The following TTC6 variants were observed in gnomAD, a reference collection of about 807,000 sequenced individuals.
TTC6 encodes tetratricopeptide repeat domain 6, also known as tetratricopeptide repeat protein 6.
A neutral mutation model predicts 210.4 loss-of-function variants in TTC6; 172 were observed. The observed-to-expected ratio is 0.82, with a 90% CI of 0.72 to 0.93. The LOEUF (loss-of-function observed/expected upper bound fraction) is 0.93. Among genes scored for constraint, TTC6 ranks in the 40% least tolerant of loss-of-function variants. The pLI, the probability that TTC6 is intolerant of heterozygous loss-of-function variation, is 0.00. For missense variants in TTC6, 2,414 were observed against 2,318.1 expected (o/e 1.04, Z -0.85); for synonymous variants, 804 against 819.6 (o/e 0.98, Z 0.32).
chr14:37,631,751 A>G (rs768778602), intron 1 of TTC6, among the ~76,000 whole-genome samples: 8 of 152,194 alleles, frequency 5.3e-5, no homozygotes, highest in African/African-American at 9.6e-5. Context: ...AGGTACACCA[A>G]TCAAACATAG....
At chr14:37,654,497 C>G (rs935304155) in intron 1 of TTC6, among the ~76,000 whole-genome samples, 3 of 152,082 alleles carry the variant, frequency 2.0e-5, no homozygotes, top group Non-Finnish European at 4.4e-5. Flanking sequence ...TGGAAGCTTC[C>G]TGAAGCCTCC....
At position 37,841,263 on chromosome 14, in the gene TTC6, T is replaced by G. The variant is rs114933035; in HGVS notation, c.5299-182T>G. 5.2e-3 allele frequency among the ~76,000 whole-genome samples: 796 copies of G among 152,262 alleles called. 13 individuals are homozygous for G. The highest frequency in any genetic ancestry group is 0.018 in the African/African-American group (738 of 41,558). ...GGTAATAACAAAAAGCAGGTCAACT[T>G]TTGGTTGGGTTTAGCTTTTTACATT... On this transcript the variant is annotated intron_variant, in intron 29 of 30. Coordinates refer to ENST00000553443, the Ensembl canonical transcript of TTC6.
chr14:37,664,257 A>G lies in TTC6; in HGVS notation c.940-15894A>G, dbSNP rs150871056. Among the ~76,000 whole-genome samples the G allele has an allele frequency of 1.6e-4, 24 of 150,622 alleles. No individual in the cohort carries two copies. In the East Asian group the frequency reaches 4.4e-3, roughly 28 times the overall value. On this transcript the variant is annotated intron_variant, in intron 1 of 30. Transcript: ENST00000553443. Reference sequence around the variant, plus strand: ...ACACTGCCCAATTTCAAACTATACTAAAGGCTACAGTAACCACAACAGCAT... The same window carrying G: ...ACACTGCCCAATTTCAAACTATACTGAAGGCTACAGTAACCACAACAGCAT...
intron 1 of TTC6, among the ~76,000 whole-genome samples, chr14:37,677,587 A>G (rs2095772977): frequency 6.6e-6 from 1 of 152,062 alleles, no homozygotes. Flanking sequence ...CATTGAACTT[A>G]GGGGGTTTGT....
At chr14:37,693,285 A>G (rs2095807840) in intron 3 of TTC6, among the ~76,000 whole-genome samples, 2 of 152,050 alleles carry the variant, frequency 1.3e-5, no homozygotes, top group South Asian at 2.1e-4. Flanking sequence ...AAGTAGTCCC[A>G]TTTACAAAAT....
intron 1 of TTC6, among the ~76,000 whole-genome samples, chr14:37,676,425 T>A (rs1395711372): frequency 1.3e-5 from 2 of 152,130 alleles, no homozygotes; most frequent in African/African-American, 4.8e-5. Context: ...TTGGTCTTTT[T>A]GTTAACTTCT....
At chr14:37,636,693 C>T (rs987405415) in intron 1 of TTC6, among the ~76,000 whole-genome samples, 3 of 152,066 alleles carry the variant, frequency 2.0e-5, no homozygotes, top group African/African-American at 4.8e-5. Flanking sequence ...AACTTTCCAC[C>T]TAATGTTATA....
At chr14:37,788,263 A>T (rs534234260) in intron 15 of TTC6, among the ~76,000 whole-genome samples, 1 of 152,260 alleles carries the variant, frequency 6.6e-6, no homozygotes, top group South Asian at 2.1e-4. Context: ...GTGCTCAGTA[A>T]ACAGCCTCCA....
At chr14:37,771,426 C>T (rs2096018303) in intron 14 of TTC6, among the ~76,000 whole-genome samples, 1 of 152,186 alleles carries the variant, frequency 6.6e-6, no homozygotes, top group South Asian at 2.1e-4. Context: ...TTCTCCCTGT[C>T]ACTTTCAGGT....
intron 30 of TTC6, 170 bp downstream of exon 32, chr14:37,841,840 G>A: frequency 1.5e-6 from 1 of 656,738 alleles, no homozygotes; most frequent in South Asian, 2.1e-5. Flanking sequence ...TTTATGTAAT[G>A]TCTTAACTTA....
intron 23 of TTC6, 120 bp from the exon 26 acceptor site, chr14:37,808,613 A>G (rs1361094185): frequency 5.8e-6 from 3 of 520,624 alleles, no homozygotes; most frequent in Non-Finnish European, 1.0e-5. Context: ...TTCACAGATG[A>G]TACAAAGAAT....
chr14:37,817,727 G>A, intron 26 of TTC6, 76 bp downstream of exon 28: 1 of 1,400,972 alleles, frequency 7.1e-7, no homozygotes, highest in East Asian at 2.3e-5. Flanking sequence ...CCATAAACAA[G>A]CCAGGAGAGA....
chr14:37,640,546 G>T (rs1473411287), intron 1 of TTC6, among the ~76,000 whole-genome samples: 5 of 151,560 alleles, frequency 3.3e-5, no homozygotes, highest in African/African-American at 9.7e-5. Context: ...GGTTTTTTTT[G>T]TTTGTTTTGT....
intron 14 of TTC6, chr14:37,772,526 G>A (rs149101856): frequency 0.016 from 2,391 of 152,724 alleles, 68 homozygotes; most frequent in African/African-American, 0.054. Context: ...TTTTAAGCCC[G>A]TCGGAAAAGT....
At chr14:37,823,695 A>G (rs1384677956) in intron 26 of TTC6, 52 bp from the exon 29 acceptor site, 1 of 1,488,906 alleles carries the variant, frequency 6.7e-7, no homozygotes, top group South Asian at 1.1e-5. Context: ...TGTATATGTC[A>G]CCAGAATGCA....
intron 1 of TTC6, among the ~76,000 whole-genome samples, chr14:37,599,422 T>C (rs2095610954): frequency 6.6e-6 from 1 of 152,226 alleles, no homozygotes; most frequent in Non-Finnish European, 1.5e-5. Flanking sequence ...GTGCGTGTGC[T>C]TGTGTCTGTG....
At chr14:37,697,231 A>G (rs2095816573) in intron 4 of TTC6, among the ~76,000 whole-genome samples, 1 of 152,152 alleles carries the variant, frequency 6.6e-6, no homozygotes, top group Non-Finnish European at 1.5e-5. Context: ...CAAAATGTGC[A>G]TAAGCCATCT....
chr14:37,640,542 T>C (rs1271106230), intron 1 of TTC6, among the ~76,000 whole-genome samples: 1 of 152,154 alleles, frequency 6.6e-6, no homozygotes, highest in Non-Finnish European at 1.5e-5. Flanking sequence ...TAGAGGTTTT[T>C]TTTGTTTGTT....
chr14:37,772,586 C>T (rs1376679715), intron 14 of TTC6: 1 of 153,070 alleles, frequency 6.5e-6, no homozygotes, highest in Admixed American at 6.5e-5. Context: ...GTCCGTCACC[C>T]CTTTCTTTGA....
Sources: gnomAD v4.1 joint callset for allele counts (sites outside exome capture counted in the v4.1 genomes callset) on GRCh38, gnomAD v4.1.1 for gene constraint, MANE v1.5 for transcripts, NCBI Gene and HGNC (gene_info 2026-07-23, HGNC 2026-07-21) for gene names.